The following RPF2 variants were observed in gnomAD, a reference collection of about 807,000 sequenced individuals.
The protein encoded by RPF2 is brix domain containing 1.
A neutral mutation model predicts 38.9 loss-of-function variants in RPF2; 21 were observed. The observed-to-expected ratio is 0.54, with a 90% CI of 0.38 to 0.78. RPF2 has a LOEUF of 0.78. RPF2 is among the 30% of genes least tolerant of loss of function. The pLI is 0.00. For missense variants in RPF2, 314 were observed against 358.1 expected, an observed-to-expected ratio of 0.88 and a Z score of 0.99; for synonymous variants, 121 against 126.2, an observed-to-expected ratio of 0.96 and a Z score of 0.28.
chr6:111,009,143 C>G (rs1771969213), intron 7 of RPF2, among the ~76,000 whole-genome samples: 1 of 152,116 alleles, frequency 6.6e-6, no homozygotes, highest in Admixed American at 6.5e-5. Context: ...GCAAGCTCCA[C>G]CTCCCGGGTT....
At chr6:111,018,678 T>C (rs1288768888) in intron 8 of RPF2, among the ~76,000 whole-genome samples, 2 of 152,204 alleles carry the variant, frequency 1.3e-5, no homozygotes, top group African/African-American at 4.8e-5. Flanking sequence ...ATACCACCGC[T>C]TCTGTTTTTC....
At chr6:111,000,616 G>GA (rs1417783414) in intron 6 of RPF2, among the ~76,000 whole-genome samples, 1 of 152,186 alleles carries the variant, frequency 6.6e-6, no homozygotes, top group Admixed American at 6.6e-5. Flanking sequence ...AGAAAGGCAG[G>GA]AAGAGTGTTC....
intron 3 of RPF2, among the ~76,000 whole-genome samples, chr6:110,989,476 C>T (rs12523701): frequency 0.2 from 31,086 of 151,982 alleles, 3,212 homozygotes; most frequent in South Asian, 0.23. Context: ...TCTTTTGAGA[C>T]GGAGTCCTGT....
chr6:111,020,849 CAAAAAAAGAGA>C (rs1326886808), intron 8 of RPF2, among the ~76,000 whole-genome samples: 1 of 140,492 alleles, frequency 7.1e-6, no homozygotes, highest in Admixed American at 6.9e-5. Context: ...GACTCCATTT[CAAAAAAAGAGA>C]AAAAAAAGAA....
intron 7 of RPF2, among the ~76,000 whole-genome samples, chr6:111,010,128 CTTT>C (rs201363141): frequency 7.7e-6 from 1 of 130,716 alleles, no homozygotes; most frequent in African/African-American, 2.9e-5. Flanking sequence ...TTTTTTTTTT[CTTT>C]TTTTTTTTTC....
chr6:110,990,571 C>G (rs55687606), intron 3 of RPF2, among the ~76,000 whole-genome samples: 1,889 of 134,346 alleles, frequency 0.014, 57 homozygotes, highest in African/African-American at 0.041. Flanking sequence ...CCCCCCCCCC[C>G]CCACCTTTTC....
Position 110,989,051 on chromosome 6 carries a change from T to A in RPF2, c.180T>A (p.Gly60=), listed in dbSNP as rs369612477. The change falls in exon 3 of 10, where the codon GGT becomes GGA. Residue 60 remains glycine (G), a synonymous_variant. Coordinates refer to ENST00000441448, the MANE Select transcript of RPF2 (RefSeq NM_032194.3). The part of the protein sequence containing the change: ...KDVYALKKPY[G]VLYKKKNITR... ...AGTATGCACTGAAAAAACCATACGG[T>A]GTACTATATAAAAAGTAAGTCATGA... is the stretch of plus-strand genomic sequence containing the variant. The A allele has an allele frequency of 1.9e-6, 3 of 1,580,344 alleles. No individual in the cohort carries two copies. The highest frequency in any genetic ancestry group is 3.8e-5 in the Admixed American group (2 of 53,052).
intron 4 of RPF2, among the ~76,000 whole-genome samples, chr6:110,994,677 G>A (rs180773214): frequency 7.4e-5 from 11 of 148,536 alleles, no homozygotes; most frequent in East Asian, 4.0e-4. Flanking sequence ...TGACTACCCC[G>A]TTCTAGAATT....
chr6:110,983,864 C>T (rs987176548), intron 1 of RPF2, among the ~76,000 whole-genome samples: 2 of 151,842 alleles, frequency 1.3e-5, no homozygotes, highest in Admixed American at 1.3e-4. Context: ...CTCGTCTGTA[C>T]TAAAAATACA....
At chr6:111,016,846 G>GT (rs1772124373) in intron 8 of RPF2, among the ~76,000 whole-genome samples, 1 of 151,616 alleles carries the variant, frequency 6.6e-6, no homozygotes, top group Non-Finnish European at 1.5e-5. Context: ...CGCAGTGTTT[G>GT]TGTCCCTGGG....
At chr6:111,019,769 C>T (rs1772196782) in intron 8 of RPF2, among the ~76,000 whole-genome samples, 2 of 152,040 alleles carry the variant, frequency 1.3e-5, no homozygotes, top group Non-Finnish European at 1.5e-5. Flanking sequence ...ATAAAATTAC[C>T]TTCAGGCTAT....
chr6:111,005,256 AG>A (rs1771889069), intron 6 of RPF2, among the ~76,000 whole-genome samples: 2 of 152,162 alleles, frequency 1.3e-5, no homozygotes, highest in South Asian at 4.1e-4. Flanking sequence ...CCTAGGGCAG[AG>A]GGTGTTTGGT....
At chr6:110,995,925 T>A (rs917791684) in intron 4 of RPF2, among the ~76,000 whole-genome samples, 6 of 151,606 alleles carry the variant, frequency 4.0e-5, no homozygotes, top group Non-Finnish European at 8.8e-5. Flanking sequence ...CGATCCTTCC[T>A]CCCACCTCAG....
intron 7 of RPF2, among the ~76,000 whole-genome samples, chr6:111,014,865 G>A (rs901796761): frequency 7.2e-5 from 11 of 152,034 alleles, no homozygotes; most frequent in Non-Finnish European, 1.3e-4. Context: ...TTGCTCTGTC[G>A]TTCTCACTGA....
intron 4 of RPF2, among the ~76,000 whole-genome samples, chr6:110,996,200 G>A (rs1275950240): frequency 1.3e-5 from 2 of 150,334 alleles, no homozygotes; most frequent in East Asian, 3.9e-4. Flanking sequence ...GCCCAGACTG[G>A]TATGCAATGC....
chr6:110,991,410 T>C (rs932053536), intron 3 of RPF2, among the ~76,000 whole-genome samples: 4 of 151,710 alleles, frequency 2.6e-5, no homozygotes, highest in African/African-American at 9.7e-5. Flanking sequence ...TTTTTTTTTT[T>C]TTTTAACACA....
rs768304955 is a variant in RPF2 at position 111,021,926 on chromosome 6, ATTATAT to A, written c.597-2255_597-2250del. On this transcript the variant is annotated intron_variant, in intron 8 of 9. Transcript: ENST00000441448. ...GGATGAAAGGAACTCTAAACAGGAA[ATTATAT>A]TAATATAACCTTTAACATGATCTTT... Among the ~76,000 whole-genome samples the A allele has an allele frequency of 5.3e-5, 8 of 152,364 alleles. 1 individual carries two copies. The highest frequency in any genetic ancestry group is 1.2e-4 in the Non-Finnish European group (8 of 68,032).
chr6:111,001,398 G>GA (rs1771809365), intron 6 of RPF2, among the ~76,000 whole-genome samples: 2 of 151,498 alleles, frequency 1.3e-5, no homozygotes, highest in South Asian at 4.2e-4. Context: ...TTTCTTTCGA[G>GA]ACAGGGTCTT....
chr6:111,015,840 T>C lies in RPF2; in HGVS notation c.580T>C (p.Tyr194His). The C allele has an allele frequency of 6.2e-7, 1 of 1,608,358 alleles. No homozygotes were observed. The highest frequency in any genetic ancestry group is 8.5e-7 in the Non-Finnish European group (1 of 1,174,680). Residue 194 changes from tyrosine (Y) to histidine (H), a missense_variant, in exon 8 of 10, where the codon TAC (tyrosine) becomes CAC (histidine). Transcript: ENST00000441448. ...CTTCACTGCACTGAATGGGAAGATT[T>C]ACTTTCGAAGCTATAAGTAAGTGCA... is the stretch of plus-strand genomic sequence containing the variant. ...LHFTALNGKI[Y>H]FRSYKLLLKK...
Sources: allele counts gnomAD v4.1 joint callset (sites outside exome capture counted in the v4.1 genomes callset), GRCh38; gene constraint gnomAD v4.1.1; transcripts MANE v1.5; gene names NCBI Gene and HGNC (gene_info 2026-07-23, HGNC 2026-07-21).